DACH1: variants seen among roughly 807,000 people sequenced by gnomAD.
DACH1 encodes the protein dachshund family transcription factor 1.
A neutral mutation model predicts 54.2 loss-of-function variants in DACH1; 12 were observed. The observed-to-expected ratio is 0.22, with a 90% CI of 0.14 to 0.36. DACH1 has a LOEUF of 0.36. Ranked by LOEUF, DACH1 falls within the 10% of genes least tolerant of loss-of-function variation. The pLI is 1.00. For synonymous variants in DACH1, 386 were observed against 366.2 expected, an observed-to-expected ratio of 1.05 and a Z score of -0.62; for missense variants, 805 against 929.8, an observed-to-expected ratio of 0.87 and a Z score of 1.75.
At chr13:71,799,249 T>G (rs2138118536) in intron 1 of DACH1, among the ~76,000 whole-genome samples, 1 of 152,210 alleles carries the variant, frequency 6.6e-6, no homozygotes, top group South Asian at 2.1e-4. Context: ...GATGTAGAAC[T>G]AAGTAATTAC....
At chr13:71,523,381 A>G (rs533072838) in intron 6 of DACH1, among the ~76,000 whole-genome samples, 1 of 152,144 alleles carries the variant, frequency 6.6e-6, no homozygotes, top group Non-Finnish European at 1.5e-5. Flanking sequence ...TTGTGAGGTG[A>G]GCTGCTAAAA....
At chr13:71,733,609 C>T (rs769692023) in intron 1 of DACH1, among the ~76,000 whole-genome samples, 1 of 152,084 alleles carries the variant, frequency 6.6e-6, no homozygotes, top group Non-Finnish European at 1.5e-5. Context: ...GGAGCAAGGA[C>T]TCCTTAAATA....
chr13:71,446,278 C>T (rs138406148), intron 10 of DACH1, among the ~76,000 whole-genome samples: 58 of 152,266 alleles, frequency 3.8e-4, no homozygotes, highest in Admixed American at 1.2e-3. Context: ...ATGTGTTTGA[C>T]GCAGAAAAAA....
chr13:71,503,816 AT>A (rs1478158351), intron 6 of DACH1, among the ~76,000 whole-genome samples: 2 of 152,246 alleles, frequency 1.3e-5, no homozygotes, highest in Non-Finnish European at 2.9e-5. Flanking sequence ...TGACCTTTAT[AT>A]CCCTTTTACC....
intron 1 of DACH1, among the ~76,000 whole-genome samples, chr13:71,779,253 ACG>A (rs1363606598): frequency 1.6e-4 from 12 of 73,318 alleles, no homozygotes; most frequent in African/African-American, 5.8e-4. Flanking sequence ...ATACGTATAT[ACG>A]TATATATGTG....
rs937321157 is a variant in DACH1, at chr13:71,566,228, A to G, written c.1300-6273T>C. 2.0e-5 allele frequency among the ~76,000 whole-genome samples: 3 copies of G among 152,148 alleles called. No individual in the cohort carries two copies. The South Asian group carries it at 6.2e-4, about 32-fold the overall frequency. ...CCCTTGATGAGTCTAATTCATCCCA[A>G]TGTTCCTTTGACCCTTGAGTTTCCT... is the stretch of plus-strand genomic sequence containing the variant. On this transcript the variant is annotated intron_variant, in intron 4 of 10. Coordinates refer to ENST00000613252, the MANE Select transcript of DACH1 (RefSeq NM_080759.6).
chr13:71,459,072 A>G (rs1875843094), intron 10 of DACH1, among the ~76,000 whole-genome samples: 1 of 151,874 alleles, frequency 6.6e-6, no homozygotes, highest in Admixed American at 6.6e-5. Context: ...TCCACGAAAT[A>G]TTATTACTTT....
At chr13:71,753,936 T>C (rs184326220) in intron 1 of DACH1, among the ~76,000 whole-genome samples, 1 of 152,190 alleles carries the variant, frequency 6.6e-6, no homozygotes. Context: ...AAATGTTTTA[T>C]TGTTTCAAAA....
At chr13:71,760,459 C>T (rs1885359650) in intron 1 of DACH1, among the ~76,000 whole-genome samples, 1 of 152,206 alleles carries the variant, frequency 6.6e-6, no homozygotes, top group Non-Finnish European at 1.5e-5. Flanking sequence ...GGACCTATTA[C>T]ACTGAAAGCT....
chr13:71,582,749 T>C (rs1268442165), intron 3 of DACH1, among the ~76,000 whole-genome samples: 1 of 152,168 alleles, frequency 6.6e-6, no homozygotes, highest in Non-Finnish European at 1.5e-5. Flanking sequence ...ATAGCTTCTA[T>C]TATACATAGT....
At chr13:71,711,855 T>C (rs1433352129) in intron 1 of DACH1, among the ~76,000 whole-genome samples, 1 of 152,152 alleles carries the variant, frequency 6.6e-6, no homozygotes, top group African/African-American at 2.4e-5. Flanking sequence ...TTTAAATAGA[T>C]ACTTAAATAC....
At chr13:71,575,226 T>C (rs1265199598) in intron 3 of DACH1, among the ~76,000 whole-genome samples, 1 of 152,000 alleles carries the variant, frequency 6.6e-6, no homozygotes, top group Non-Finnish European at 1.5e-5. Flanking sequence ...AATATAGAAA[T>C]TGCCCTGGAA....
At chr13:71,603,954 T>C (rs1349609281) in intron 3 of DACH1, among the ~76,000 whole-genome samples, 1 of 151,908 alleles carries the variant, frequency 6.6e-6, no homozygotes, top group Non-Finnish European at 1.5e-5. Flanking sequence ...ATTGAAGTTT[T>C]CATCAATGCT....
Position 71,866,817 on chromosome 13 carries a change from T to C in DACH1, c.-48A>G. 1 of 1,127,736 alleles carries C rather than the reference T, an allele frequency of 8.9e-7. No homozygotes were observed. The highest frequency in any genetic ancestry group is 1.1e-6 in the Non-Finnish European group (1 of 917,182). 69.9% of individuals were successfully genotyped at this position (1,127,736 alleles called of 1,614,324 possible). On this transcript the variant is annotated 5_prime_UTR_variant, in exon 1 of 11. Transcript: ENST00000613252. ...ACGGAGGAGAAGCGAGAGGAAAAGT[T>C]GCCACACACCCCCGGGAGGGGAAGG...
chr13:71,764,624 C>G (rs370036749), intron 1 of DACH1, among the ~76,000 whole-genome samples: 7 of 152,182 alleles, frequency 4.6e-5, no homozygotes, highest in African/African-American at 1.7e-4. Flanking sequence ...GGGTATAAGT[C>G]TCGTAAGTTT....
At chr13:71,555,270 T>C (rs1051365275) in intron 6 of DACH1, among the ~76,000 whole-genome samples, 16 of 152,160 alleles carry the variant, frequency 1.1e-4, no homozygotes, top group African/African-American at 3.9e-4. Flanking sequence ...TTAATTATTA[T>C]ATTTAAATAT....
chr13:71,535,290 C>T (rs571888946), intron 6 of DACH1, among the ~76,000 whole-genome samples: 63 of 151,760 alleles, frequency 4.2e-4, no homozygotes, highest in Non-Finnish European at 8.4e-4. Flanking sequence ...ACATACTAAT[C>T]GGTGTATATC....
intron 1 of DACH1, among the ~76,000 whole-genome samples, chr13:71,807,011 A>C (rs1230503326): frequency 6.6e-6 from 1 of 152,208 alleles, no homozygotes; most frequent in African/African-American, 2.4e-5. Flanking sequence ...GGAAGTAAAT[A>C]GGGACAGTGC....
intron 1 of DACH1, among the ~76,000 whole-genome samples, chr13:71,818,321 T>C (rs879431992): frequency 1.3e-5 from 2 of 152,192 alleles, no homozygotes; most frequent in Admixed American, 1.3e-4. Context: ...TCTGTGAAGG[T>C]CACTCTGAAG....
Sources: gnomAD v4.1 joint callset for allele counts (sites outside exome capture counted in the v4.1 genomes callset) on GRCh38, gnomAD v4.1.1 for gene constraint, MANE v1.5 for transcripts, NCBI Gene and HGNC (gene_info 2026-07-23, HGNC 2026-07-21) for gene names.